CCDC12: variants seen among roughly 807,000 people sequenced by gnomAD.
CCDC12 encodes coiled-coil domain-containing protein 12.
Under a neutral mutation model 25.7 loss-of-function variants are expected in CCDC12, and 28 were observed. That is an observed-to-expected ratio of 1.09 (90% CI 0.81 to 1.50). The LOEUF is 1.50. Among genes scored for constraint, CCDC12 ranks in the 40% most tolerant of loss-of-function variants. CCDC12 has a pLI of 0.00. For synonymous variants in CCDC12, 75 were observed against 87.7 expected (o/e 0.86, Z 0.81); for missense variants, 198 against 210.0 (o/e 0.94, Z 0.35).
intron 2 of CCDC12, among the ~76,000 whole-genome samples, chr3:46,926,232 C>T (rs11705936): frequency 0.51 from 77,370 of 151,982 alleles, 21,576 homozygotes; most frequent in Non-Finnish European, 0.63. Context: ...GAGGAGGTGG[C>T]GCCTGGGCCT....
chr3:46,932,087 C>T (rs2033250456), intron 2 of CCDC12, among the ~76,000 whole-genome samples: 1 of 152,164 alleles, frequency 6.6e-6, no homozygotes, highest in South Asian at 2.1e-4. Flanking sequence ...ATGAGGTACA[C>T]AACTGCTCTA....
chr3:46,923,319 C>A lies in CCDC12; in HGVS notation c.341+10G>T. The A allele has an allele frequency of 2.0e-6, 3 of 1,484,612 alleles. No individual in the cohort carries two copies. The highest frequency in any genetic ancestry group is 2.7e-6 in the Non-Finnish European group (3 of 1,116,414). The allele number at this position is 1,484,612 out of a possible 1,614,324, so 92.0% of individuals were successfully genotyped here. A position where few individuals can be genotyped will look rare whatever the true frequency, so the allele number is the denominator to read the frequency against. ...TCAGCCTGCACCCGCCACGCACGGG[C>A]AACACTCACCAGTCAGGCTTCCGAG... On this transcript the variant is annotated intron_variant, in intron 5 of 6. Coordinates refer to ENST00000683445, the MANE Select transcript of CCDC12 (RefSeq NM_001277074.2).
chr3:46,937,815 A>C (rs2033513341), intron 2 of CCDC12, among the ~76,000 whole-genome samples: 1 of 152,188 alleles, frequency 6.6e-6, no homozygotes, highest in Admixed American at 6.5e-5. Context: ...GCCCTGTGTT[A>C]GGCAACCAAT....
intron 1 of CCDC12, among the ~76,000 whole-genome samples, chr3:46,964,274 G>A (rs1215267913): frequency 2.0e-5 from 3 of 151,486 alleles, no homozygotes; most frequent in Non-Finnish European, 2.9e-5. Flanking sequence ...CACCCCGTCC[G>A]GGAGGGAGGT....
intron 1 of CCDC12, among the ~76,000 whole-genome samples, chr3:46,969,527 C>G (rs1031926652): frequency 6.6e-6 from 1 of 152,182 alleles, no homozygotes; most frequent in Admixed American, 6.5e-5. Flanking sequence ...GACACCACAC[C>G]TGGCCCGCAC....
chr3:46,963,535 C>T (rs1284016748), intron 1 of CCDC12, among the ~76,000 whole-genome samples: 7 of 152,180 alleles, frequency 4.6e-5, no homozygotes, highest in Admixed American at 3.3e-4. Context: ...GCTGCCATCT[C>T]GGCTCACTGC....
At chr3:46,936,741 GC>G (rs1309947230) in intron 2 of CCDC12, among the ~76,000 whole-genome samples, 1 of 152,166 alleles carries the variant, frequency 6.6e-6, no homozygotes, top group Non-Finnish European at 1.5e-5. Context: ...AAAATTTAAA[GC>G]ATGATGAACT....
At chr3:46,929,432 C>T (rs1239647309) in intron 2 of CCDC12, among the ~76,000 whole-genome samples, 1 of 152,226 alleles carries the variant, frequency 6.6e-6, no homozygotes. Context: ...GCCACCACAG[C>T]TCTTGGAGAC....
At chr3:46,939,320 C>T (rs1008625051) in intron 2 of CCDC12, among the ~76,000 whole-genome samples, 5 of 152,144 alleles carry the variant, frequency 3.3e-5, no homozygotes, top group African/African-American at 1.2e-4. Flanking sequence ...CCCACCCACC[C>T]ACCTGCTAAA....
chr3:46,981,218 G>A (rs551304718), upstream of CCDC12, among the ~76,000 whole-genome samples: 21 of 152,246 alleles, frequency 1.4e-4, no homozygotes, highest in African/African-American at 5.1e-4. Flanking sequence ...GCCGAGGCGG[G>A]CAGATCACAA....
At position 46,949,511 on chromosome 3, in the gene CCDC12, A is replaced by AG. The variant is rs1283895535; in HGVS notation, c.97-8447dup. Among the ~76,000 whole-genome samples the AG allele has an allele frequency of 3.3e-5, 5 of 152,180 alleles. No individual in the cohort carries two copies. In the South Asian group the frequency reaches 1.0e-3, roughly 32 times the overall value. ...AAACTCCCTCCAGGGTCCTCCCTGTAGGGGCACTGTGGTATGCAGGAAGCC... is the reference window on the plus strand; with the variant it reads ...AAACTCCCTCCAGGGTCCTCCCTGTAGGGGGCACTGTGGTATGCAGGAAGCC... On this transcript the variant is annotated intron_variant, in intron 1 of 6. Coordinates refer to ENST00000683445, the MANE Select transcript of CCDC12 (RefSeq NM_001277074.2).
At chr3:46,923,844 G>T (rs901662171) in intron 3 of CCDC12, 176 bp from the exon 4 acceptor site, 2 of 451,034 alleles carry the variant, frequency 4.4e-6, no homozygotes, top group South Asian at 1.5e-4. Flanking sequence ...CTGGAGGAGG[G>T]GCCTGGGTTT....
intron 1 of CCDC12, among the ~76,000 whole-genome samples, chr3:46,957,300 A>G (rs1373209374): frequency 6.6e-6 from 1 of 152,174 alleles, no homozygotes; most frequent in Non-Finnish European, 1.5e-5. Flanking sequence ...TGTAGTATCT[A>G]GTACTCGAAG....
chr3:46,927,178 C>T (rs2032996868), intron 2 of CCDC12, among the ~76,000 whole-genome samples: 1 of 152,152 alleles, frequency 6.6e-6, no homozygotes, highest in Admixed American at 6.6e-5. Flanking sequence ...AGGAAGCCCA[C>T]CTGCACTCCC....
intron 2 of CCDC12, among the ~76,000 whole-genome samples, chr3:46,931,023 T>C (rs2033189519): frequency 6.6e-6 from 1 of 152,200 alleles, no homozygotes; most frequent in African/African-American, 2.4e-5. Flanking sequence ...GAAAGAGCTT[T>C]ATGGGTAGCC....
chr3:46,938,202 C>T (rs199649140), intron 2 of CCDC12, among the ~76,000 whole-genome samples: 1 of 147,184 alleles, frequency 6.8e-6, no homozygotes, highest in Admixed American at 6.8e-5. Flanking sequence ...TGAGAAAAAA[C>T]AAAACAGGGC....
At position 46,923,595 on chromosome 3, in the gene CCDC12, C is replaced by T; in HGVS notation, c.306+12G>A. The T allele has an allele frequency of 1.2e-6, 2 of 1,604,656 alleles. No individual in the cohort carries two copies. The highest frequency in any genetic ancestry group is 2.2e-5 in the East Asian group (1 of 44,498). ...GAAGCAGCGAGGATGCCAGGGTGGT[C>T]CAGGCACTCACCACCTCCTCGATGA... is the stretch of plus-strand genomic sequence containing the variant. On this transcript the variant is annotated intron_variant, in intron 4 of 6. Coordinates refer to ENST00000683445, the MANE Select transcript of CCDC12 (RefSeq NM_001277074.2).
At chr3:46,976,143 G>A (rs2034979249) in intron 1 of CCDC12, 3 of 218,784 alleles carry the variant, frequency 1.4e-5, no homozygotes, top group African/African-American at 4.7e-5. Flanking sequence ...ACCGTGCCCG[G>A]CCTCTTTTTG....
chr3:46,962,091 G>A (rs1661829152), intron 1 of CCDC12, among the ~76,000 whole-genome samples: 1 of 151,988 alleles, frequency 6.6e-6, no homozygotes, highest in African/African-American at 2.4e-5. Context: ...AAAGATATTA[G>A]AAAAAAATGA....
Sources: gnomAD v4.1 joint callset for allele counts (sites outside exome capture counted in the v4.1 genomes callset) on GRCh38, gnomAD v4.1.1 for gene constraint, MANE v1.5 for transcripts, NCBI Gene and HGNC (gene_info 2026-07-23, HGNC 2026-07-21) for gene names.